SETX: variants seen among roughly 807,000 people sequenced by gnomAD.
The protein encoded by SETX is helicase senataxin.
A neutral mutation model predicts 227.2 loss-of-function variants in SETX; 90 were observed. The observed-to-expected ratio is 0.40, with a 90% CI of 0.33 to 0.47. The LOEUF is 0.47. Among genes scored for constraint, SETX ranks in the 20% least tolerant of loss-of-function variants. The probability of loss-of-function intolerance (pLI) is 0.91; values close to 1 mark genes in which losing one functional copy is unlikely to be tolerated. For synonymous variants in SETX, 1,210 were observed against 1,113.2 expected, an observed-to-expected ratio of 1.09 and a Z score of -1.73; for missense variants, 3,052 against 3,181.5, an observed-to-expected ratio of 0.96 and a Z score of 0.98.
chr9:132,265,032 T>C (rs1842571085), intron 25 of SETX, 47 bp from the exon 26 acceptor site: 1 of 1,603,570 alleles, frequency 6.2e-7, no homozygotes, highest in African/African-American at 1.3e-5. Flanking sequence ...AAAGAGACAC[T>C]GCTTGGGAAG....
rs747846833 is a variant in SETX at position 132,328,233 on chromosome 9, C to G, written c.3365G>C (p.Gly1122Ala). Residue 1122 changes from glycine to alanine, a missense_variant, in exon 10 of 26, where the codon GGT (glycine) becomes GCT (alanine). This residue lies in a region of SETX where 1,483 missense variants were observed against 1,312.0 expected (regional missense o/e 1.13). Transcript: ENST00000224140. ...APIANTTNGQ[G>A]CTDYVSEVVK... ...AACTTCAGATACATAATCTGTACAA[C>G]CCTGACCATTTGTAGTATTGGCTAT... 6.2e-7 allele frequency: 1 copy of G among 1,614,164 alleles called. No homozygotes were observed. The highest frequency in any genetic ancestry group is 1.7e-5 in the Admixed American group (1 of 60,034).
intron 11 of SETX, among the ~76,000 whole-genome samples, chr9:132,302,851 G>A (rs992470516): frequency 2.0e-5 from 3 of 152,094 alleles, no homozygotes; most frequent in South Asian, 2.1e-4. Flanking sequence ...TTGGTGGAAG[G>A]CAGCTATACA....
At chr9:132,310,914 T>C (rs1845616307) in intron 11 of SETX, among the ~76,000 whole-genome samples, 1 of 152,248 alleles carries the variant, frequency 6.6e-6, no homozygotes, top group Admixed American at 6.5e-5. Context: ...TCTTTAGCTT[T>C]ATTGTAAGAA....
chr9:132,354,512 G>GA (rs1287377386), intron 1 of SETX, among the ~76,000 whole-genome samples: 1 of 138,232 alleles, frequency 7.2e-6, no homozygotes, highest in African/African-American at 2.6e-5. Context: ...AAAAAAAAAA[G>GA]AAAAAAGAAA....
intron 11 of SETX, among the ~76,000 whole-genome samples, chr9:132,304,392 ACT>A (rs931863029): frequency 4.1e-4 from 63 of 152,100 alleles, no homozygotes; most frequent in African/African-American, 1.5e-3. Context: ...AGTGGAACAA[ACT>A]CTGGACTTCA....
intron 1 of SETX, among the ~76,000 whole-genome samples, chr9:132,354,401 CG>C (rs1169653625): frequency 6.8e-6 from 1 of 148,098 alleles, no homozygotes; most frequent in Middle Eastern, 3.2e-3. Flanking sequence ...GGGGATGAGG[CG>C]GAAGGATCGC....
rs1220059237 is a variant in SETX, at chr9:132,328,160, A to T, written c.3438T>A (p.Ser1146Arg). The T allele has an allele frequency of 2.5e-6, 4 of 1,614,094 alleles. No individual in the cohort carries two copies. The highest frequency in any genetic ancestry group is 2.2e-5 in the East Asian group (1 of 44,864). The change falls in exon 10 of 26, where the codon AGT (serine) becomes AGA (arginine). Residue 1146 changes from serine (S) to arginine (R), a missense_variant. Physicochemically the swap from Ser to Arg is moderately radical, Grantham distance 110 (BLOSUM62 -1). Transcript: ENST00000224140. ...EGIEEHTRPR[S>R]ISVEEFCEIE... ...TTTCACAAAATTCTTCAACAGAAAT[A>T]CTCCGTGGTCTTGTGTGTTCTTCAA... is the stretch of plus-strand genomic sequence containing the variant.
chr9:132,264,159 G>A lies in SETX; in HGVS notation c.*80C>T. Reference sequence around the variant, plus strand: ...CACACAAACTCCTTACAAAAAACAAGCTTATCTAGATGGTCCCACGAGCTG... The same window carrying A: ...CACACAAACTCCTTACAAAAAACAAACTTATCTAGATGGTCCCACGAGCTG... On this transcript the variant is annotated 3_prime_UTR_variant, in exon 26 of 26. Coordinates refer to ENST00000224140, the MANE Select transcript of SETX (RefSeq NM_015046.7). 3 of 1,595,424 alleles carry A rather than the reference G, an allele frequency of 1.9e-6. No individual in the cohort carries two copies. Among genetic ancestry groups the A allele is most frequent in the Non-Finnish European group, 2.6e-6 (3 of 1,171,022 alleles).
rs775255889 is a variant in SETX at position 132,327,015 on chromosome 9, G to T, written c.4583C>A (p.Thr1528Lys). ...TACAGAATCTTCTTCAACCTCAACTGTATCTTTTCCATGAATTAGTTCAAT... is the reference window on the plus strand; with the variant it reads ...TACAGAATCTTCTTCAACCTCAACTTTATCTTTTCCATGAATTAGTTCAAT... ...KLIELIHGKD[T>K]VEVEEDSVSR... Residue 1528 changes from threonine (T) to lysine (K), a missense_variant, in exon 10 of 26, where the codon ACA (threonine) becomes AAA (lysine). Physicochemically the swap from Thr to Lys is moderately conservative, Grantham distance 78. Coordinates refer to ENST00000224140, the MANE Select transcript of SETX (RefSeq NM_015046.7). The T allele has an allele frequency of 6.2e-7, 1 of 1,614,112 alleles. No individual in the cohort carries two copies. Among genetic ancestry groups the T allele is most frequent in the Non-Finnish European group, 8.5e-7 (1 of 1,180,016 alleles).
chr9:132,296,722 C>T (rs1238513697), intron 14 of SETX, among the ~76,000 whole-genome samples, 165 bp downstream of exon 14: 1 of 152,014 alleles, frequency 6.6e-6, no homozygotes, highest in African/African-American at 2.4e-5. Flanking sequence ...CATAACCTTC[C>T]CTCCCTCTGC....
At position 132,314,906 on chromosome 9, in the gene SETX, GT is replaced by G. The variant is rs559979271; in HGVS notation, c.5275-3051del. Reference sequence around the variant, plus strand: ...ATTATTATTATTATTATTTTATTGTGTTTTTTTTTTTTTTTTTTTTTTTGGA... The same window carrying G: ...ATTATTATTATTATTATTTTATTGTGTTTTTTTTTTTTTTTTTTTTTTGGA... On this transcript the variant is annotated intron_variant, in intron 10 of 25. Coordinates refer to ENST00000224140, the MANE Select transcript of SETX (RefSeq NM_015046.7). Among the ~76,000 whole-genome samples, 539 of 88,492 alleles carry G rather than the reference GT, an allele frequency of 6.1e-3. 2 individuals carry two copies. Among genetic ancestry groups the G allele is most frequent in the African/African-American group, 0.017 (375 of 21,982 alleles). 58.1% of individuals were successfully genotyped at this position (88,492 alleles called of 152,430 possible). A position where few individuals can be genotyped will look rare whatever the true frequency, so the allele number is the denominator to read the frequency against.
At position 132,283,363 on chromosome 9, in the gene SETX, A is replaced by G. The variant is rs1843651914; in HGVS notation, c.6447T>C (p.His2149=). The G allele has an allele frequency of 6.2e-7, 1 of 1,614,202 alleles. No homozygotes were observed. The part of the protein sequence containing the change: ...KTQSIIILES[H]IICCTLSTSG... ...TTGTGCTCAACGTGCAGCAGATGAT[A>G]TGGGACTCTAAGATGATGATACTCT... The change falls in exon 19 of 26, where the codon CAT becomes CAC. Residue 2149 remains histidine, a synonymous_variant. Coordinates refer to ENST00000224140, the MANE Select transcript of SETX (RefSeq NM_015046.7).
In SETX at chr9:132,329,489, A is replaced by G. The variant is rs1465506116; in HGVS notation, c.2109T>C (p.Asp703=). The change falls in exon 10 of 26, where the codon GAT becomes GAC. Residue 703 remains aspartate (D), a synonymous_variant. Coordinates refer to ENST00000224140, the MANE Select transcript of SETX (RefSeq NM_015046.7). ...GCTTCCTTGTACTTATTTTAATTTG[A>G]TCTTCAGCTCTTTCAGTAAAAATGT... ...SKNIFTERAE[D]QIKISTRKQK... is the part of the protein sequence containing the mutation. 1.2e-6 allele frequency: 2 copies of G among 1,612,328 alleles called. No individual in the cohort carries two copies. Among genetic ancestry groups the G allele is most frequent in the South Asian group, 1.1e-5 (1 of 90,988 alleles).
intron 15 of SETX, among the ~76,000 whole-genome samples, chr9:132,290,281 A>G (rs1844211433): frequency 6.6e-6 from 1 of 151,970 alleles, no homozygotes; most frequent in African/African-American, 2.4e-5. Flanking sequence ...TTATTTAAAA[A>G]TTCTCCATTA....
At chr9:132,331,908 A>C (rs890548622) in intron 7 of SETX, among the ~76,000 whole-genome samples, 4 of 152,254 alleles carry the variant, frequency 2.6e-5, no homozygotes, top group African/African-American at 9.6e-5. Flanking sequence ...CATGAAGCCC[A>C]TAATACAAGA....
intron 6 of SETX, among the ~76,000 whole-genome samples, chr9:132,335,608 G>T (rs974645887): frequency 2.0e-5 from 3 of 151,712 alleles, no homozygotes; most frequent in Non-Finnish European, 4.4e-5. Flanking sequence ...CTCCCAAGAT[G>T]CTGGGACTAC....
At position 132,281,578 on chromosome 9, in the gene SETX, G is replaced by C. The variant is rs1330879619; in HGVS notation, c.6547-4C>G. 6.3e-7 allele frequency: 1 copy of C among 1,597,626 alleles called. No homozygotes were observed. The highest frequency in any genetic ancestry group is 2.2e-5 in the East Asian group (1 of 44,778). The stretch of plus-strand genomic sequence containing the variant: ...CAATTTCACAAGACTGTCCAGCCTT[G>C]GTAAGATACAGAAGAGAGAGGCAGT... On this transcript the variant is annotated splice_region_variant and splice_polypyrimidine_tract_variant and intron_variant, in intron 19 of 25. Transcript: ENST00000224140.
rs768673354 is a variant in SETX at position 132,329,712 on chromosome 9, T to C, written c.1886A>G (p.Lys629Arg). ...ACAATGCATATCTTTTCTAGACGTC[T>C]TCCCCATTTGTTCACTTTCTTCTTT... ...YNKEESEQMGKTSRKDMHCLE... is the reference protein window; with the variant it reads ...YNKEESEQMGRTSRKDMHCLE... The change falls in exon 10 of 26, where the codon AAG (lysine) becomes AGG (arginine). Residue 629 changes from lysine to arginine, a missense_variant. By Grantham distance (26) the Lys-to-Arg change is conservative. Coordinates refer to ENST00000224140, the MANE Select transcript of SETX (RefSeq NM_015046.7). The C allele has an allele frequency of 3.7e-6, 6 of 1,614,036 alleles. No homozygotes were observed.
Position 132,327,458 on chromosome 9 carries a change from T to C in SETX, c.4140A>G (p.Thr1380=), listed in dbSNP as rs1252003678. 2.5e-6 allele frequency: 4 copies of C among 1,614,098 alleles called. No homozygotes were observed. The highest frequency in any genetic ancestry group is 2.2e-5 in the East Asian group (1 of 44,906). ...GTACAAATATGTCAGAATTCTGTGC[T>C]GTATGTGACCCTGCTCTTTTAACAT... ...STDVKRAGSH[T]AQNSDIFVPE... Residue 1380 remains threonine, a synonymous_variant, in exon 10 of 26, where the codon ACA becomes ACG. Coordinates refer to ENST00000224140, the MANE Select transcript of SETX (RefSeq NM_015046.7).
Sources: allele counts gnomAD v4.1 joint callset (sites outside exome capture counted in the v4.1 genomes callset), GRCh38; gene constraint gnomAD v4.1.1; regional missense constraint gnomAD v4.1.1; transcripts MANE v1.5; gene names NCBI Gene and HGNC (gene_info 2026-07-23, HGNC 2026-07-21).